ENOX1: variants seen among roughly 807,000 people sequenced by gnomAD.
ENOX1 encodes candidate growth-related and time keeping constitutive hydroquinone (NADH) oxidase.
In ENOX1, 42 loss-of-function variants were observed where a neutral mutation model predicts 82.5. The ratio of observed to expected loss-of-function variants is 0.51; its 90% CI spans 0.40 to 0.66. The LOEUF (loss-of-function observed/expected upper bound fraction) is 0.66. ENOX1 is among the 30% of genes least tolerant of loss of function. The pLI is 0.00. For missense variants in ENOX1, 608 were observed against 811.6 expected, an observed-to-expected ratio of 0.75 and a Z score of 3.05; for synonymous variants, 271 against 282.2, an observed-to-expected ratio of 0.96 and a Z score of 0.40.
intron 11 of ENOX1, among the ~76,000 whole-genome samples, chr13:43,302,697 C>T (rs1232913018): frequency 6.6e-6 from 1 of 152,132 alleles, no homozygotes; most frequent in Non-Finnish European, 1.5e-5. Flanking sequence ...AACCATTATT[C>T]TTTATATTAA....
chr13:43,545,741 A>AG (rs1346026491), intron 2 of ENOX1: 19 of 152,386 alleles, frequency 1.2e-4, no homozygotes, highest in Admixed American at 8.5e-4. Context: ...CATGTTCCCC[A>AG]GGGGGAAGTA....
intron 3 of ENOX1, among the ~76,000 whole-genome samples, chr13:43,430,891 T>C (rs2055616668): frequency 6.6e-6 from 1 of 152,354 alleles, no homozygotes; most frequent in Non-Finnish European, 1.5e-5. Context: ...TAGAAAGTCA[T>C]TTTCAGTCAT....
In ENOX1 at chr13:43,320,555, A is replaced by G. The variant is rs899145997; in HGVS notation, c.1261+1829T>C. 3.4e-4 allele frequency among the ~76,000 whole-genome samples: 51 copies of G among 152,204 alleles called. 1 individual carries two copies. The highest frequency in any genetic ancestry group is 1.0e-3 in the African/African-American group (42 of 41,456). ...CGTGCCGCAAGACCTCAGTGAGCATACTATTCAGAGTCATCATTATTCTGG... is the reference window on the plus strand; with the variant it reads ...CGTGCCGCAAGACCTCAGTGAGCATGCTATTCAGAGTCATCATTATTCTGG... On this transcript the variant is annotated intron_variant, in intron 11 of 16. Coordinates refer to ENST00000690772, the MANE Select transcript of ENOX1 (RefSeq NM_001347969.2).
At chr13:43,487,465 T>G (rs751387080) in intron 2 of ENOX1, among the ~76,000 whole-genome samples, 2 of 152,220 alleles carry the variant, frequency 1.3e-5, no homozygotes, top group African/African-American at 2.4e-5. Flanking sequence ...TTTCCAGGAT[T>G]TGGTGTGAAA....
At chr13:43,711,505 C>T (rs1452619953) in intron 1 of ENOX1, among the ~76,000 whole-genome samples, 1 of 152,124 alleles carries the variant, frequency 6.6e-6, no homozygotes, top group Non-Finnish European at 1.5e-5. Flanking sequence ...TACTGACTTC[C>T]ACAATGGTTG....
At chr13:43,701,355 A>G (rs2086898279) in intron 1 of ENOX1, among the ~76,000 whole-genome samples, 1 of 152,174 alleles carries the variant, frequency 6.6e-6, no homozygotes, top group Admixed American at 6.5e-5. Context: ...TCATCACAGT[A>G]TTTCAGATGA....
At chr13:43,221,277 A>T (rs986036766) in intron 16 of ENOX1, among the ~76,000 whole-genome samples, 3 of 152,242 alleles carry the variant, frequency 2.0e-5, no homozygotes, top group Non-Finnish European at 2.9e-5. Flanking sequence ...AGGGAAGAGC[A>T]GACGAACCCT....
intron 5 of ENOX1, among the ~76,000 whole-genome samples, chr13:43,370,105 T>C (rs914614979): frequency 1.3e-5 from 2 of 152,192 alleles, no homozygotes; most frequent in Non-Finnish European, 2.9e-5. Context: ...CGGTGGCTCA[T>C]GCCTGTAATC....
chr13:43,313,001 G>T (rs560087476), intron 11 of ENOX1, among the ~76,000 whole-genome samples: 1 of 152,124 alleles, frequency 6.6e-6, no homozygotes, highest in African/African-American at 2.4e-5. Context: ...AAAATCCTTC[G>T]TTGATTTTAT....
intron 14 of ENOX1, among the ~76,000 whole-genome samples, chr13:43,244,075 A>G (rs2042967328): frequency 6.6e-6 from 1 of 151,146 alleles, no homozygotes; most frequent in South Asian, 2.1e-4. Context: ...AATCACATCT[A>G]AGCAAGTGAG....
intron 2 of ENOX1, among the ~76,000 whole-genome samples, chr13:43,566,013 TG>T (rs532226116): frequency 6.6e-6 from 1 of 152,296 alleles, no homozygotes; most frequent in Admixed American, 6.5e-5. Flanking sequence ...AATCACCATG[TG>T]GGTTGCAGTA....
At chr13:43,356,196 G>C (rs1228375712) in intron 7 of ENOX1, 44 bp from the exon 8 acceptor site, 1 of 1,586,292 alleles carries the variant, frequency 6.3e-7, no homozygotes. Flanking sequence ...TGTAACAATG[G>C]CCACAGTTTT....
chr13:43,428,873 G>C (rs1416353812), intron 3 of ENOX1, among the ~76,000 whole-genome samples: 1 of 152,202 alleles, frequency 6.6e-6, no homozygotes, highest in Non-Finnish European at 1.5e-5. Context: ...CCTATTCCAA[G>C]GGATAGCTGA....
chr13:43,384,997 GA>G (rs1047316372), intron 5 of ENOX1, among the ~76,000 whole-genome samples: 3 of 151,724 alleles, frequency 2.0e-5, no homozygotes, highest in Non-Finnish European at 4.4e-5. Context: ...AAAGCTCAGG[GA>G]AAAAAAAGTG....
At chr13:43,594,715 T>G (rs1484357520) in intron 2 of ENOX1, among the ~76,000 whole-genome samples, 1 of 152,194 alleles carries the variant, frequency 6.6e-6, no homozygotes, top group African/African-American at 2.4e-5. Flanking sequence ...CATGGGCTCA[T>G]AGCTAACTAT....
intron 1 of ENOX1, among the ~76,000 whole-genome samples, chr13:43,668,851 A>G (rs2085116901): frequency 6.6e-6 from 1 of 152,238 alleles, no homozygotes; most frequent in Non-Finnish European, 1.5e-5. Flanking sequence ...CAGTCCGCCT[A>G]CAGGTATAGT....
chr13:43,303,247 C>A (rs575831412), intron 11 of ENOX1, among the ~76,000 whole-genome samples: 1 of 152,366 alleles, frequency 6.6e-6, no homozygotes, highest in African/African-American at 2.4e-5. Flanking sequence ...TATCTGTGTG[C>A]CTTCAACGGC....
chr13:43,249,780 T>C (rs1006731803), intron 14 of ENOX1, among the ~76,000 whole-genome samples: 1 of 152,160 alleles, frequency 6.6e-6, no homozygotes, highest in Non-Finnish European at 1.5e-5. Flanking sequence ...TAAAGTAAAA[T>C]CAAATTTTAC....
intron 2 of ENOX1, among the ~76,000 whole-genome samples, chr13:43,617,336 T>C (rs755374276): frequency 5.9e-5 from 9 of 152,236 alleles, no homozygotes; most frequent in Non-Finnish European, 1.2e-4. Context: ...ATCCCTGTTA[T>C]GAAAATTGCG....
Sources: allele counts gnomAD v4.1 joint callset (sites outside exome capture counted in the v4.1 genomes callset), GRCh38; gene constraint gnomAD v4.1.1; transcripts MANE v1.5; gene names NCBI Gene and HGNC (gene_info 2026-07-23, HGNC 2026-07-21).